GAS2: variants seen among roughly 807,000 people sequenced by gnomAD.
GAS2 encodes the protein growth arrest-specific protein 2.
GAS2 carries 20 observed loss-of-function variants against 37.5 expected under a neutral mutation model. That is an observed-to-expected ratio of 0.53 (90% CI 0.37 to 0.77). GAS2 has a LOEUF of 0.77. GAS2 is among the 30% of genes least tolerant of loss of function. The pLI, the probability that GAS2 is intolerant of heterozygous loss-of-function variation, is 0.00. For missense variants in GAS2, 336 were observed against 373.4 expected (o/e 0.90, Z 0.82); for synonymous variants, 144 against 132.2 (o/e 1.09, Z -0.61).
chr11:22,774,141 A>G (rs1022734070), intron 7 of GAS2, among the ~76,000 whole-genome samples: 4 of 152,070 alleles, frequency 2.6e-5, no homozygotes, highest in African/African-American at 9.7e-5. Flanking sequence ...TTACAGGAGC[A>G]TGCCACCACA....
chr11:22,672,691 A>G (rs975871763), intron 1 of GAS2: 10 of 152,172 alleles, frequency 6.6e-5, no homozygotes, highest in African/African-American at 1.9e-4. Flanking sequence ...TAAGATTTCA[A>G]TTAGTTATTT....
chr11:22,782,487 G>C (rs1398392063), intron 7 of GAS2, among the ~76,000 whole-genome samples: 1 of 151,934 alleles, frequency 6.6e-6, no homozygotes, highest in Non-Finnish European at 1.5e-5. Flanking sequence ...GCTGAGGTTG[G>C]GGTATGACTT....
intron 7 of GAS2, among the ~76,000 whole-genome samples, chr11:22,808,917 G>T (rs1468849723): frequency 6.6e-6 from 1 of 152,164 alleles, no homozygotes; most frequent in Non-Finnish European, 1.5e-5. Context: ...AATTATAAAA[G>T]CCCTAGTGAT....
chr11:22,649,379 T>A (rs1418710806), intron 1 of GAS2, among the ~76,000 whole-genome samples: 1 of 152,000 alleles, frequency 6.6e-6, no homozygotes, highest in Non-Finnish European at 1.5e-5. Context: ...TAAAATTCTC[T>A]TTTTTGGTTG....
chr11:22,632,784 G>A (rs534000534), intron 1 of GAS2, among the ~76,000 whole-genome samples: 2 of 150,698 alleles, frequency 1.3e-5, no homozygotes, highest in South Asian at 4.2e-4. Context: ...GTGTGATTGG[G>A]TTAATTCAAA....
chr11:22,670,762 G>A (rs2030159), intron 1 of GAS2, among the ~76,000 whole-genome samples: 97,630 of 151,942 alleles, frequency 0.64, 32,159 homozygotes, highest in East Asian at 0.83. Flanking sequence ...CTAGAATAGA[G>A]TAGCTACTAA....
intron 3 of GAS2, among the ~76,000 whole-genome samples, chr11:22,703,398 C>G (rs1219719352): frequency 1.3e-5 from 2 of 152,076 alleles, no homozygotes; most frequent in Non-Finnish European, 2.9e-5. Context: ...CACTCTCACC[C>G]TATGGAAAAT....
intron 7 of GAS2, among the ~76,000 whole-genome samples, chr11:22,762,320 CTTTATG>C (rs1014910560): frequency 5.3e-5 from 8 of 152,184 alleles, no homozygotes; most frequent in African/African-American, 1.9e-4. Flanking sequence ...TTACCAGCTG[CTTTATG>C]TTTATATTTA....
At chr11:22,718,019 G>A (rs1304856076) in intron 3 of GAS2, among the ~76,000 whole-genome samples, 1 of 152,020 alleles carries the variant, frequency 6.6e-6, no homozygotes, top group Non-Finnish European at 1.5e-5. Context: ...TTTACTGCTG[G>A]TGGGAAATTA....
chr11:22,748,113 A>G (rs1312111863), intron 5 of GAS2, among the ~76,000 whole-genome samples: 1 of 152,160 alleles, frequency 6.6e-6, no homozygotes, highest in African/African-American at 2.4e-5. Flanking sequence ...AAAAGTAGAT[A>G]ATAGTAGATT....
intron 1 of GAS2, among the ~76,000 whole-genome samples, chr11:22,659,755 T>TA (rs1422110599): frequency 6.6e-5 from 10 of 152,118 alleles, no homozygotes; most frequent in Non-Finnish European, 1.3e-4. Flanking sequence ...TTCTAGTTTT[T>TA]ATCTAAGACA....
In GAS2 at chr11:22,677,742, G is replaced by A. The variant is rs148990960; in HGVS notation, c.145+2728G>A. ...CTGGGCGTCAGGAGACCTGGCCTCT[G>A]GTTCTGGCTCTGCTACTTGGTAGGA... On this transcript the variant is annotated intron_variant, in intron 2 of 7. Coordinates refer to ENST00000454584, the MANE Select transcript of GAS2 (RefSeq NM_001143830.3). Among the ~76,000 whole-genome samples, 415 of 152,188 alleles carry A rather than the reference G, an allele frequency of 2.7e-3. 3 individuals are homozygous for A. The highest frequency in any genetic ancestry group is 9.2e-3 in the African/African-American group (384 of 41,526).
intron 4 of GAS2, among the ~76,000 whole-genome samples, chr11:22,732,386 C>A (rs1268799903): frequency 6.6e-6 from 1 of 151,638 alleles, no homozygotes; most frequent in Non-Finnish European, 1.5e-5. Context: ...TATGAATGGA[C>A]ACTCCTTGTT....
intron 1 of GAS2, among the ~76,000 whole-genome samples, chr11:22,633,871 T>C (rs1858781491): frequency 6.6e-6 from 1 of 152,120 alleles, no homozygotes; most frequent in South Asian, 2.1e-4. Context: ...CTCATGTAAG[T>C]CTGCACCTGG....
chr11:22,763,969 C>T (rs879424427), intron 7 of GAS2, among the ~76,000 whole-genome samples: 2 of 152,164 alleles, frequency 1.3e-5, no homozygotes, highest in African/African-American at 2.4e-5. Context: ...TCACTAAAGA[C>T]ACTCTCATTT....
chr11:22,787,588 A>C (rs1855879642), intron 7 of GAS2, among the ~76,000 whole-genome samples: 1 of 152,168 alleles, frequency 6.6e-6, no homozygotes, highest in Non-Finnish European at 1.5e-5. Flanking sequence ...AAAAAAGAAA[A>C]AAGAAAAAGA....
chr11:22,812,446 T>TA lies in GAS2; in HGVS notation c.*431dup, dbSNP rs1554913884. The TA allele has an allele frequency of 6.2e-6, 1 of 162,478 alleles. No homozygotes were observed. The highest frequency in any genetic ancestry group is 1.3e-5 in the Non-Finnish European group (1 of 75,922). The allele number at this position is 162,478 out of a possible 1,614,324, so 10.1% of individuals were successfully genotyped here. Reference sequence around the variant, plus strand: ...TTTTATGCTTTTTTTTTTTTTTTTTTACAAAATGATGATTAGTGTGATAAT... The same window carrying TA: ...TTTTATGCTTTTTTTTTTTTTTTTTTAACAAAATGATGATTAGTGTGATAAT... On this transcript the variant is annotated 3_prime_UTR_variant, in exon 8 of 8. Transcript: ENST00000454584.
At chr11:22,809,503 T>G (rs1648621919) in intron 7 of GAS2, among the ~76,000 whole-genome samples, 1 of 152,004 alleles carries the variant, frequency 6.6e-6, no homozygotes, top group South Asian at 2.1e-4. Context: ...ATCATTATTA[T>G]TTGAGATGGA....
intron 7 of GAS2, among the ~76,000 whole-genome samples, chr11:22,780,096 T>C (rs1188795261): frequency 1.3e-5 from 2 of 152,228 alleles, no homozygotes; most frequent in East Asian, 3.8e-4. Flanking sequence ...TATTTATTTA[T>C]CAAATGAATT....
Sources: allele counts gnomAD v4.1 joint callset (sites outside exome capture counted in the v4.1 genomes callset), GRCh38; gene constraint gnomAD v4.1.1; transcripts MANE v1.5; gene names NCBI Gene and HGNC (gene_info 2026-07-23, HGNC 2026-07-21).